The following ZFPM2 variants were observed in gnomAD, a reference collection of about 807,000 sequenced individuals.
ZFPM2 encodes the protein zinc finger protein ZFPM2.
In ZFPM2, 20 loss-of-function variants were observed where a neutral mutation model predicts 98.6. The observed-to-expected ratio is 0.20, with a 90% CI of 0.14 to 0.29. The LOEUF is 0.29. Ranked by LOEUF, ZFPM2 falls within the 10% of genes least tolerant of loss-of-function variation. The pLI is 1.00. For missense variants in ZFPM2, 1,310 were observed against 1,388.6 expected (o/e 0.94, Z 0.90); for synonymous variants, 518 against 502.7 (o/e 1.03, Z -0.41).
At position 105,332,944 on chromosome 8, in the gene ZFPM2, G is replaced by A. The variant is rs576159483; in HGVS notation, c.40+13963G>A. 2.0e-5 allele frequency among the ~76,000 whole-genome samples: 3 copies of A among 151,810 alleles called. No individual in the cohort carries two copies. The East Asian group carries it at 5.8e-4, about 29-fold the overall frequency. ...TGATTTGGGGCCAAACTTTTAAAGG[G>A]CTTTGTGTGCCATGTTGAAGAATTT... On this transcript the variant is annotated intron_variant, in intron 1 of 7. Coordinates refer to ENST00000407775, the MANE Select transcript of ZFPM2 (RefSeq NM_012082.4).
chr8:105,521,898 G>A (rs1295960618), intron 3 of ZFPM2, among the ~76,000 whole-genome samples: 1 of 151,702 alleles, frequency 6.6e-6, no homozygotes, highest in Admixed American at 6.6e-5. Context: ...ATAACTACAG[G>A]AAAAAAATAA....
chr8:105,489,774 G>A (rs901520204), intron 3 of ZFPM2, among the ~76,000 whole-genome samples: 12 of 151,828 alleles, frequency 7.9e-5, no homozygotes, highest in African/African-American at 2.9e-4. Flanking sequence ...CAAAAAAGCT[G>A]TATTTTAAGA....
intron 5 of ZFPM2, among the ~76,000 whole-genome samples, chr8:105,706,845 G>A (rs13275478): frequency 3.9e-5 from 6 of 152,178 alleles, no homozygotes; most frequent in African/African-American, 1.4e-4. Flanking sequence ...CTCCCAAAGT[G>A]CTGGGATTAC....
intron 1 of ZFPM2, among the ~76,000 whole-genome samples, chr8:105,320,685 G>C (rs965786342): frequency 3.9e-5 from 6 of 152,238 alleles, no homozygotes; most frequent in African/African-American, 1.4e-4. Flanking sequence ...AAGACCATCT[G>C]ATTTTACTTG....
chr8:105,667,619 C>G (rs1334286977), intron 5 of ZFPM2, among the ~76,000 whole-genome samples: 1 of 152,162 alleles, frequency 6.6e-6, no homozygotes. Flanking sequence ...TCTAACTACA[C>G]ATCTGTGCAA....
intron 5 of ZFPM2, among the ~76,000 whole-genome samples, chr8:105,646,981 A>G (rs1420751884): frequency 6.6e-6 from 1 of 152,186 alleles, no homozygotes; most frequent in Non-Finnish European, 1.5e-5. Flanking sequence ...GCTCTATAGG[A>G]AATGGCTGGG....
Position 105,802,512 on chromosome 8 carries a change from A to G in ZFPM2, c.2430A>G (p.Pro810=), listed in dbSNP as rs200002039. Residue 810 remains proline, a synonymous_variant, in exon 8 of 8, where the codon CCA becomes CCG. Coordinates refer to ENST00000407775, the MANE Select transcript of ZFPM2 (RefSeq NM_012082.4). ...CTCTGACGATCAACAAGTGTGTTCC[A>G]GTTTCCAAATGTGATACTACTCATT... The part of the protein sequence containing the change: ...ETSLTINKCV[P]VSKCDTTHSS... 6.2e-7 allele frequency: 1 copy of G among 1,612,144 alleles called. No individual in the cohort carries two copies. Among genetic ancestry groups the G allele is most frequent in the African/African-American group, 1.3e-5 (1 of 74,910 alleles).
At chr8:105,382,121 A>G (rs563852418) in intron 1 of ZFPM2, among the ~76,000 whole-genome samples, 1 of 152,248 alleles carries the variant, frequency 6.6e-6, no homozygotes, top group East Asian at 1.9e-4. Flanking sequence ...TTATAATATT[A>G]TACTTTGGAT....
At chr8:105,330,075 C>G (rs566565003) in intron 1 of ZFPM2, among the ~76,000 whole-genome samples, 1 of 151,704 alleles carries the variant, frequency 6.6e-6, no homozygotes, top group Non-Finnish European at 1.5e-5. Flanking sequence ...GGCAGGCTGG[C>G]AGGCATAAAG....
At chr8:105,359,265 T>C (rs1279488838) in intron 1 of ZFPM2, among the ~76,000 whole-genome samples, 1 of 152,176 alleles carries the variant, frequency 6.6e-6, no homozygotes, top group African/African-American at 2.4e-5. Context: ...GTAAGTTTCC[T>C]GAGGCCTTCC....
At chr8:105,632,421 C>T (rs947360992) in intron 4 of ZFPM2, among the ~76,000 whole-genome samples, 2 of 152,108 alleles carry the variant, frequency 1.3e-5, no homozygotes, top group African/African-American at 4.8e-5. Context: ...TCATCCACTT[C>T]GGCCTCCCAA....
chr8:105,719,352 T>TAC (rs540694397), intron 5 of ZFPM2, among the ~76,000 whole-genome samples: 7 of 151,554 alleles, frequency 4.6e-5, no homozygotes, highest in African/African-American at 1.2e-4. Flanking sequence ...ACACACGCAA[T>TAC]ACACACACAC....
intron 4 of ZFPM2, among the ~76,000 whole-genome samples, chr8:105,618,298 GA>G (rs1181082379): frequency 6.6e-6 from 1 of 152,098 alleles, no homozygotes; most frequent in African/African-American, 2.4e-5. Flanking sequence ...GAGAAAAATA[GA>G]AGGCAGTTCA....
chr8:105,445,055 T>C (rs1162197572), intron 3 of ZFPM2, among the ~76,000 whole-genome samples: 1 of 152,230 alleles, frequency 6.6e-6, no homozygotes, highest in East Asian at 1.9e-4. Flanking sequence ...GAGACTATTA[T>C]GTCACAAGGT....
At position 105,487,948 on chromosome 8, in the gene ZFPM2, A is replaced by ATCTG. The variant is rs1212803220; in HGVS notation, c.301+43567_301+43568insTCTG. Among the ~76,000 whole-genome samples the ATCTG allele has an allele frequency of 9.6e-3, 1,292 of 134,398 alleles. 20 individuals carry two copies. The highest frequency in any genetic ancestry group is 0.034 in the African/African-American group (1,240 of 36,962). 88.2% of individuals were successfully genotyped at this position (134,398 alleles called of 152,430 possible). A position where few individuals can be genotyped will look rare whatever the true frequency, so the allele number is the denominator to read the frequency against. On this transcript the variant is annotated intron_variant, in intron 3 of 7. Coordinates refer to ENST00000407775, the MANE Select transcript of ZFPM2 (RefSeq NM_012082.4). ...TATCTATCTAGCTAGCTAGCTAGCTAGCTATCTGTCATGTCTTTTTTTAGA... is the reference window on the plus strand; with the variant it reads ...TATCTATCTAGCTAGCTAGCTAGCTATCTGGCTATCTGTCATGTCTTTTTTTAGA...
At chr8:105,787,708 T>C (rs983472069) in intron 5 of ZFPM2, 9 of 151,752 alleles carry the variant, frequency 5.9e-5, no homozygotes, top group African/African-American at 2.2e-4. Context: ...ATGAGTGCAA[T>C]ACACAGCCTT....
chr8:105,484,491 A>G (rs1412649452), intron 3 of ZFPM2, among the ~76,000 whole-genome samples: 2 of 152,118 alleles, frequency 1.3e-5, no homozygotes, highest in Admixed American at 6.5e-5. Flanking sequence ...TAAGTCATTA[A>G]TAATTTTAAA....
At chr8:105,513,275 T>C (rs958097743) in intron 3 of ZFPM2, among the ~76,000 whole-genome samples, 6 of 152,238 alleles carry the variant, frequency 3.9e-5, no homozygotes, top group African/African-American at 1.4e-4. Context: ...TTCTGTCTTT[T>C]CTTATATTTA....
chr8:105,692,159 A>G (rs975490807), intron 5 of ZFPM2, among the ~76,000 whole-genome samples: 9 of 152,220 alleles, frequency 5.9e-5, no homozygotes, highest in African/African-American at 7.2e-5. Flanking sequence ...GACCTGGTTT[A>G]TAAGGTGACT....
Sources: gnomAD v4.1 joint callset for allele counts (sites outside exome capture counted in the v4.1 genomes callset) on GRCh38, gnomAD v4.1.1 for gene constraint, MANE v1.5 for transcripts, NCBI Gene and HGNC (gene_info 2026-07-23, HGNC 2026-07-21) for gene names.